Variants in ZC3H12B observed in about 807,000 individuals in gnomAD.
ZC3H12B encodes zinc finger CCCH-type containing 12B, also known as probable ribonuclease ZC3H12B.
In ZC3H12B, 7 loss-of-function variants were observed where a neutral mutation model predicts 43.9. The ratio of observed to expected loss-of-function variants is 0.16; its 90% CI spans 0.09 to 0.30. The LOEUF (loss-of-function observed/expected upper bound fraction) is 0.30. Among genes scored for constraint, ZC3H12B ranks in the 10% least tolerant of loss-of-function variants. The pLI, the probability that ZC3H12B is intolerant of heterozygous loss-of-function variation, is 1.00. For missense variants in ZC3H12B, 475 were observed against 670.2 expected, an observed-to-expected ratio of 0.71 and a Z score of 3.22; for synonymous variants, 222 against 241.7, an observed-to-expected ratio of 0.92 and a Z score of 0.76.
At chrX:65,312,878 T>C in the ZC3H12B span, among the ~76,000 whole-genome samples, 4 of 111,625 alleles carry the variant, frequency 3.6e-5, no homozygotes, top group African/African-American at 1.3e-4. Flanking sequence ...TGTTTGTTTT[T>C]TGTTTTTTTT....
chrX:65,130,224 G>T, the ZC3H12B span, among the ~76,000 whole-genome samples: 1 of 111,094 alleles, frequency 9.0e-6, no homozygotes, highest in East Asian at 2.8e-4. Flanking sequence ...ACAGTAAGGG[G>T]TATGAAGGTT....
the ZC3H12B span, among the ~76,000 whole-genome samples, chrX:65,305,869 G>A: frequency 2.7e-5 from 3 of 111,505 alleles, no homozygotes; most frequent in Non-Finnish European, 3.8e-5. Context: ...CCTGTTTTCT[G>A]TTCTGTAAAT....
the ZC3H12B span, among the ~76,000 whole-genome samples, chrX:65,159,155 A>G: frequency 1.8e-5 from 2 of 111,977 alleles, no homozygotes; most frequent in Non-Finnish European, 3.8e-5. Context: ...TACCAGTACC[A>G]TGCTGTTTTG....
At chrX:65,355,910 G>A in the ZC3H12B span, among the ~76,000 whole-genome samples, 1 of 111,946 alleles carries the variant, frequency 8.9e-6, no homozygotes, top group South Asian at 3.8e-4. Context: ...AGCTGAGATA[G>A]CACCATTGCA....
chrX:65,342,248 A>G, the ZC3H12B span, among the ~76,000 whole-genome samples: 1 of 111,697 alleles, frequency 9.0e-6, no homozygotes, highest in Non-Finnish European at 1.9e-5. Context: ...CCAACACAGG[A>G]GCACCTGGAT....
chrX:65,128,482 G>A, the ZC3H12B span, among the ~76,000 whole-genome samples: 1 of 111,349 alleles, frequency 9.0e-6, no homozygotes, highest in South Asian at 3.8e-4. Context: ...GTCCAGATAT[G>A]GTCTATATTG....
At chrX:65,299,142 C>T in the ZC3H12B span, among the ~76,000 whole-genome samples, 1 of 112,072 alleles carries the variant, frequency 8.9e-6, no homozygotes, top group Non-Finnish European at 1.9e-5. Flanking sequence ...TCGTGAACTA[C>T]ATAATGACAT....
the ZC3H12B span, among the ~76,000 whole-genome samples, chrX:65,103,488 G>A: frequency 9.0e-6 from 1 of 111,433 alleles, no homozygotes; most frequent in Non-Finnish European, 1.9e-5. Flanking sequence ...GGGTGCTGAG[G>A]CGACATACAT....
At chrX:65,502,861 C>T (rs752130811) in exon 5 of ZC3H12B, 1 of 1,211,539 alleles carries the variant, frequency 8.3e-7, no homozygotes, top group South Asian at 1.8e-5. Flanking sequence ...GACGACCTCC[C>T]CTGTGCCGGG....
chrX:65,507,727 A>ACGT (rs1169320181), exon 5 of ZC3H12B: 1 of 112,242 alleles, frequency 8.9e-6, no homozygotes, highest in Non-Finnish European at 1.9e-5. Context: ...CCTATAATGC[A>ACGT]CGTGCATTGC....
the ZC3H12B span, among the ~76,000 whole-genome samples, chrX:65,213,821 T>C: frequency 1.8e-5 from 2 of 109,137 alleles, no homozygotes; most frequent in Admixed American, 2.0e-4. Context: ...GCAGGTTTGG[T>C]TTCAGACCAC....
chrX:65,361,143 A>G, the ZC3H12B span, among the ~76,000 whole-genome samples: 1 of 111,910 alleles, frequency 8.9e-6, no homozygotes, highest in Admixed American at 9.5e-5. Flanking sequence ...ATGTGTTATC[A>G]TATTAAAGAA....
chrX:65,448,865 A>T (rs146655704), intron 3 of ZC3H12B, among the ~76,000 whole-genome samples: 26 of 97,758 alleles, frequency 2.7e-4, no homozygotes, highest in African/African-American at 1.1e-3. Context: ...AGAAGGGAGG[A>T]AGGGAGGGAG....
chrX:65,232,556 T>C, the ZC3H12B span, among the ~76,000 whole-genome samples: 2 of 112,093 alleles, frequency 1.8e-5, no homozygotes, highest in Non-Finnish European at 3.8e-5. Flanking sequence ...ACGTGTTATT[T>C]GCAAGCCTCA....
chrX:65,245,497 C>T, the ZC3H12B span, among the ~76,000 whole-genome samples: 1 of 111,966 alleles, frequency 8.9e-6, no homozygotes, highest in Non-Finnish European at 1.9e-5. Context: ...TTCACCACAA[C>T]CAAGTAGGCT....
At chrX:65,248,936 G>A in the ZC3H12B span, among the ~76,000 whole-genome samples, 1 of 111,042 alleles carries the variant, frequency 9.0e-6, no homozygotes, top group Non-Finnish European at 1.9e-5. Flanking sequence ...TGTTTGTTTT[G>A]TTCTTGTTGA....
the ZC3H12B span, among the ~76,000 whole-genome samples, chrX:65,146,664 A>T: frequency 9.0e-6 from 1 of 111,542 alleles, no homozygotes; most frequent in East Asian, 2.8e-4. Context: ...CCTTTTATGA[A>T]GTACTCTCCC....
chrX:65,143,187 T>C, the ZC3H12B span, among the ~76,000 whole-genome samples: 1 of 111,469 alleles, frequency 9.0e-6, no homozygotes, highest in South Asian at 3.7e-4. Context: ...TTCAGTAGTG[T>C]TTTGTAGCTT....
intron 3 of ZC3H12B, among the ~76,000 whole-genome samples, chrX:65,440,394 T>C (rs2067286246): frequency 8.9e-6 from 1 of 112,567 alleles, no homozygotes; most frequent in Non-Finnish European, 1.9e-5. Context: ...GAACCATGTA[T>C]GAAGAATCAG....
Sources: allele counts gnomAD v4.1 joint callset (sites outside exome capture counted in the v4.1 genomes callset), GRCh38; gene constraint gnomAD v4.1.1; transcripts MANE v1.5; gene names NCBI Gene and HGNC (gene_info 2026-07-23, HGNC 2026-07-21).